The following FCHSD2 variants were observed in gnomAD, a reference collection of about 807,000 sequenced individuals.
FCHSD2 encodes F-BAR and double SH3 domains protein 2.
In FCHSD2, 38 loss-of-function variants were observed where a neutral mutation model predicts 108.1. The observed-to-expected ratio is 0.35, with a 90% CI of 0.27 to 0.46. The LOEUF is 0.46. FCHSD2 is among the 20% of genes least tolerant of loss of function. The pLI, the probability that FCHSD2 is intolerant of heterozygous loss-of-function variation, is 1.00. For missense variants in FCHSD2, 751 were observed against 897.8 expected (o/e 0.84, Z 2.09); for synonymous variants, 279 against 314.7 (o/e 0.89, Z 1.20).
rs187761486 is a variant in FCHSD2 at position 72,915,779 on chromosome 11, T to C, written c.828+6049A>G. The stretch of plus-strand genomic sequence containing the variant: ...GTTGCAGTGAGCCGAGATCACGCCA[T>C]TGCTCTCCAGCCTGGGTGACAGAGC... On this transcript the variant is annotated intron_variant, in intron 9 of 19. Transcript: ENST00000409418. 9.4e-3 allele frequency among the ~76,000 whole-genome samples: 1,435 copies of C among 152,104 alleles called. 10 individuals are homozygous for C. Among genetic ancestry groups the C allele is most frequent in the Non-Finnish European group, 0.015 (1,014 of 67,984 alleles).
intron 2 of FCHSD2, among the ~76,000 whole-genome samples, chr11:73,113,736 G>A (rs1860545404): frequency 6.6e-6 from 1 of 152,124 alleles, no homozygotes; most frequent in Admixed American, 6.6e-5. Flanking sequence ...CATCCTTCTT[G>A]GGAAAGTTTG....
intron 3 of FCHSD2, among the ~76,000 whole-genome samples, chr11:73,021,788 C>CG (rs1385528792): frequency 2.0e-5 from 3 of 152,010 alleles, no homozygotes. Flanking sequence ...AACCTAATAA[C>CG]GGATATATAC....
intron 2 of FCHSD2, among the ~76,000 whole-genome samples, chr11:73,091,180 G>A (rs1289956319): frequency 1.3e-5 from 2 of 152,076 alleles, no homozygotes; most frequent in Non-Finnish European, 2.9e-5. Flanking sequence ...AGACATTTGG[G>A]TTTCCACATC....
At chr11:73,045,421 T>A (rs1858737461) in intron 3 of FCHSD2, among the ~76,000 whole-genome samples, 1 of 151,566 alleles carries the variant, frequency 6.6e-6, no homozygotes, top group Non-Finnish European at 1.5e-5. Context: ...TTACTGGGTA[T>A]ATACCCAAAG....
intron 8 of FCHSD2, among the ~76,000 whole-genome samples, chr11:72,973,378 GAAAGAAAAGA>G (rs761429444): frequency 7.3e-5 from 11 of 150,662 alleles, no homozygotes; most frequent in South Asian, 4.2e-4. Flanking sequence ...AAAAAAAAAA[GAAAGAAAAGA>G]AAAGAAAAGA....
intron 9 of FCHSD2, among the ~76,000 whole-genome samples, chr11:72,914,471 C>T (rs879654473): frequency 1.3e-4 from 20 of 152,254 alleles, no homozygotes; most frequent in East Asian, 3.9e-4. Context: ...AGAGGCATCA[C>T]GCTACCCAAC....
chr11:72,949,174 C>T (rs759829691), intron 8 of FCHSD2, among the ~76,000 whole-genome samples: 1 of 152,004 alleles, frequency 6.6e-6, no homozygotes, highest in East Asian at 1.9e-4. Context: ...CCTGGCCGGG[C>T]GTGGTGGCTC....
intron 2 of FCHSD2, among the ~76,000 whole-genome samples, chr11:73,092,714 C>G (rs559080403): frequency 4.6e-5 from 7 of 152,194 alleles, no homozygotes; most frequent in Non-Finnish European, 1.0e-4. Context: ...TCACAATCTA[C>G]ATCCACATGG....
chr11:73,133,821 C>T (rs929692282), intron 2 of FCHSD2, among the ~76,000 whole-genome samples: 22 of 143,632 alleles, frequency 1.5e-4, no homozygotes, highest in African/African-American at 5.2e-4. Flanking sequence ...AAAAAGTAAC[C>T]ATTATGCCAA....
At chr11:72,986,111 A>T (rs1015723989) in intron 6 of FCHSD2, among the ~76,000 whole-genome samples, 2 of 152,248 alleles carry the variant, frequency 1.3e-5, no homozygotes, top group Non-Finnish European at 2.9e-5. Flanking sequence ...AGGGATGAAC[A>T]CATATGCAGC....
At chr11:72,938,963 G>T (rs1266782130) in intron 8 of FCHSD2, among the ~76,000 whole-genome samples, 2 of 152,042 alleles carry the variant, frequency 1.3e-5, no homozygotes, top group African/African-American at 4.8e-5. Context: ...CAGAAGTTTT[G>T]GTCTTTACAT....
In FCHSD2 at chr11:72,993,165, T is replaced by C. The variant is rs1357327978; in HGVS notation, c.388-4068A>G. Among the ~76,000 whole-genome samples, 5 of 152,186 alleles carry C rather than the reference T, an allele frequency of 3.3e-5. No homozygotes were observed. In the East Asian group the frequency reaches 9.6e-4, roughly 29 times the overall value. On this transcript the variant is annotated intron_variant, in intron 5 of 19. Transcript: ENST00000409418. The stretch of plus-strand genomic sequence containing the variant: ...CAACAGACACATGAAAAAATGCTCA[T>C]CATCACTGGCCATCAGAGAAATGCA...
chr11:73,024,095 C>G (rs1858171872), intron 3 of FCHSD2, among the ~76,000 whole-genome samples: 1 of 151,696 alleles, frequency 6.6e-6, no homozygotes, highest in African/African-American at 2.4e-5. Context: ...TTGTCAAAAC[C>G]CAAAGAACTT....
At chr11:73,080,607 T>A (rs1859661603) in intron 3 of FCHSD2, among the ~76,000 whole-genome samples, 1 of 152,130 alleles carries the variant, frequency 6.6e-6, no homozygotes, top group African/African-American at 2.4e-5. Flanking sequence ...AATCAAGTGA[T>A]AATGTCTAGA....
At chr11:73,068,056 C>T (rs939991300) in intron 3 of FCHSD2, among the ~76,000 whole-genome samples, 1 of 151,974 alleles carries the variant, frequency 6.6e-6, no homozygotes, top group Non-Finnish European at 1.5e-5. Context: ...GAGACTTATT[C>T]ACTACCACGA....
At chr11:72,861,732 C>A (rs1254021099) in intron 13 of FCHSD2, among the ~76,000 whole-genome samples, 1 of 152,002 alleles carries the variant, frequency 6.6e-6, no homozygotes, top group Non-Finnish European at 1.5e-5. Flanking sequence ...GAGTTCAAGA[C>A]CAACCTGACC....
chr11:73,090,271 G>C (rs1859923321), intron 2 of FCHSD2, among the ~76,000 whole-genome samples: 1 of 135,392 alleles, frequency 7.4e-6, no homozygotes. Context: ...TGTCGCCCAG[G>C]CTGGAGTGCA....
At position 73,015,849 on chromosome 11, in the gene FCHSD2, C is replaced by T. The variant is rs748068558; in HGVS notation, c.202G>A (p.Asp68Asn). ...TCATCAGCTTTTACTCCAGGCCAAT[C>T]TCTCTTCAGGTATTGACTAGCCAAC... ...QKLASQYLKR[D>N]WPGVKADDRN... Residue 68 changes from aspartate (D) to asparagine (N), a missense_variant, in exon 4 of 20, where the codon GAT becomes AAT. Transcript: ENST00000409418. 6.2e-7 allele frequency: 1 copy of T among 1,606,654 alleles called. No homozygotes were observed. The highest frequency in any genetic ancestry group is 8.5e-7 in the Non-Finnish European group (1 of 1,175,712).
chr11:73,027,936 A>G (rs1260635834), intron 3 of FCHSD2, among the ~76,000 whole-genome samples: 1 of 152,242 alleles, frequency 6.6e-6, no homozygotes, highest in Non-Finnish European at 1.5e-5. Flanking sequence ...TGTGCAGAAG[A>G]TAAGAACTGA....
Sources: gnomAD v4.1 joint callset for allele counts (sites outside exome capture counted in the v4.1 genomes callset) on GRCh38, gnomAD v4.1.1 for gene constraint, MANE v1.5 for transcripts, NCBI Gene and HGNC (gene_info 2026-07-23, HGNC 2026-07-21) for gene names.